The following TMEM131 variants were observed in gnomAD, a reference collection of about 807,000 sequenced individuals.
TMEM131 encodes transmembrane protein 131.
Under a neutral mutation model 211.6 loss-of-function variants are expected in TMEM131, and 66 were observed. That is an observed-to-expected ratio of 0.31 (90% CI 0.26 to 0.38). The LOEUF (loss-of-function observed/expected upper bound fraction) is 0.38, where lower values mean the gene tolerates loss of function less well. TMEM131 is among the 10% of genes least tolerant of loss of function. The probability of loss-of-function intolerance (pLI) is 1.00; values close to 1 mark genes in which losing one functional copy is unlikely to be tolerated. For synonymous variants in TMEM131, 844 were observed against 841.3 expected (o/e 1.00, Z -0.06); for missense variants, 2,036 against 2,299.3 (o/e 0.89, Z 2.34).
At chr2:97,875,991 T>C (rs187611744) in intron 4 of TMEM131, among the ~76,000 whole-genome samples, 103 of 151,252 alleles carry the variant, frequency 6.8e-4, no homozygotes, top group Non-Finnish European at 1.2e-3. Flanking sequence ...TAGAGAAGAA[T>C]CAAATAGATG....
At chr2:97,988,566 A>G (rs1340151492) in intron 1 of TMEM131, among the ~76,000 whole-genome samples, 1 of 152,226 alleles carries the variant, frequency 6.6e-6, no homozygotes, top group East Asian at 1.9e-4. Context: ...AGGAACTCCT[A>G]TAACTCAACA....
At chr2:97,914,751 C>T (rs568235202) in intron 2 of TMEM131, among the ~76,000 whole-genome samples, 1 of 152,288 alleles carries the variant, frequency 6.6e-6, no homozygotes, top group South Asian at 2.1e-4. Context: ...ATGGTATGAA[C>T]GTATCACTGT....
chr2:97,888,295 C>T (rs754976718), intron 3 of TMEM131, among the ~76,000 whole-genome samples, 175 bp from the exon 4 acceptor site: 4 of 152,020 alleles, frequency 2.6e-5, no homozygotes, highest in Non-Finnish European at 4.4e-5. Flanking sequence ...ATAAAGATTG[C>T]GTTTTAGAAA....
intron 1 of TMEM131, among the ~76,000 whole-genome samples, chr2:97,994,072 T>C (rs1680378858): frequency 6.6e-6 from 1 of 152,226 alleles, no homozygotes; most frequent in South Asian, 2.1e-4. Context: ...CACCAAGGTC[T>C]ACTTGAAGTC....
chr2:97,966,560 G>T (rs1364097915), intron 1 of TMEM131, among the ~76,000 whole-genome samples: 2 of 152,122 alleles, frequency 1.3e-5, no homozygotes, highest in African/African-American at 4.8e-5. Flanking sequence ...ATAAATGTTT[G>T]TTGAGCTGAC....
At chr2:97,853,397 C>T (rs1255364751) in intron 5 of TMEM131, among the ~76,000 whole-genome samples, 2 of 143,526 alleles carry the variant, frequency 1.4e-5, no homozygotes, top group South Asian at 2.2e-4. Context: ...GAGTTCGAGA[C>T]CAGCCTCGCC....
intron 4 of TMEM131, among the ~76,000 whole-genome samples, chr2:97,866,032 A>G (rs1479438031): frequency 7.7e-6 from 1 of 129,776 alleles, no homozygotes; most frequent in African/African-American, 3.0e-5. Context: ...ACAGGTGCCC[A>G]CTAACACGCC....
intron 7 of TMEM131, among the ~76,000 whole-genome samples, chr2:97,841,558 TA>T (rs1322150187): frequency 1.9e-4 from 29 of 152,264 alleles, no homozygotes; most frequent in African/African-American, 7.0e-4. Flanking sequence ...GCCTAAACTA[TA>T]ACACCAGAGA....
At chr2:97,775,701 G>T in intron 32 of TMEM131, 142 bp downstream of exon 32, 1 of 943,686 alleles carries the variant, frequency 1.1e-6, no homozygotes. Context: ...CCCAGCACAG[G>T]AACCATTCCT....
chr2:97,834,339 G>C (rs1180559775), intron 10 of TMEM131, among the ~76,000 whole-genome samples: 1 of 152,118 alleles, frequency 6.6e-6, no homozygotes, highest in African/African-American at 2.4e-5. Flanking sequence ...ACTGGATTAA[G>C]AAACTAGAAA....
chr2:97,814,803 A>G (rs533855796), intron 13 of TMEM131, among the ~76,000 whole-genome samples: 2 of 152,352 alleles, frequency 1.3e-5, no homozygotes, highest in African/African-American at 4.8e-5. Context: ...TTGTAATTCT[A>G]GAAGTGTTTA....
chr2:97,976,501 C>T (rs985055278), intron 1 of TMEM131, among the ~76,000 whole-genome samples: 4 of 152,048 alleles, frequency 2.6e-5, no homozygotes, highest in African/African-American at 9.7e-5. Flanking sequence ...CTGAAAACTA[C>T]ATTAAAGACC....
At chr2:97,793,779 G>A (rs911519169) in intron 29 of TMEM131, among the ~76,000 whole-genome samples, 11 of 151,358 alleles carry the variant, frequency 7.3e-5, no homozygotes, top group African/African-American at 2.7e-4. Context: ...TGGATCACGA[G>A]GTCAGGAGAT....
At chr2:97,801,657 G>A (rs1174263900) in intron 25 of TMEM131, among the ~76,000 whole-genome samples, 1 of 152,034 alleles carries the variant, frequency 6.6e-6, no homozygotes, top group Non-Finnish European at 1.5e-5. Context: ...ACCTTCATGG[G>A]CTTAATGTTT....
chr2:97,957,098 A>C (rs1238968572), intron 1 of TMEM131, among the ~76,000 whole-genome samples: 2 of 149,086 alleles, frequency 1.3e-5, no homozygotes, highest in Non-Finnish European at 3.0e-5. Flanking sequence ...CTCCGTCTCA[A>C]AAAAAAAAAA....
chr2:97,854,105 T>A (rs980370879), intron 5 of TMEM131, among the ~76,000 whole-genome samples: 3 of 151,944 alleles, frequency 2.0e-5, no homozygotes, highest in African/African-American at 7.3e-5. Context: ...TACTGCTGTC[T>A]TATTTTAAGC....
intron 33 of TMEM131, among the ~76,000 whole-genome samples, chr2:97,766,953 C>T (rs962772853): frequency 6.6e-6 from 1 of 152,172 alleles, no homozygotes; most frequent in Admixed American, 6.5e-5. Context: ...GCTGGAAGTG[C>T]GGTCATTCTG....
intron 11 of TMEM131, among the ~76,000 whole-genome samples, chr2:97,824,854 C>T (rs968224450): frequency 6.6e-6 from 1 of 152,212 alleles, no homozygotes; most frequent in African/African-American, 2.4e-5. Context: ...CTGCAACACC[C>T]CAATTCTAGG....
intron 4 of TMEM131, among the ~76,000 whole-genome samples, chr2:97,875,519 T>C (rs1674656625): frequency 6.6e-6 from 1 of 152,218 alleles, no homozygotes; most frequent in South Asian, 2.1e-4. Flanking sequence ...ACAAACAGTT[T>C]CTCAGATCAC....
Sources: allele counts gnomAD v4.1 joint callset (sites outside exome capture counted in the v4.1 genomes callset), GRCh38; gene constraint gnomAD v4.1.1; transcripts MANE v1.5; gene names NCBI Gene and HGNC (gene_info 2026-07-23, HGNC 2026-07-21).